PLAT: variants seen among roughly 807,000 people sequenced by gnomAD.
PLAT encodes tissue-type plasminogen activator.
Under a neutral mutation model 74.9 loss-of-function variants are expected in PLAT, and 48 were observed. That is an observed-to-expected ratio of 0.64 (90% CI 0.51 to 0.82). The LOEUF (loss-of-function observed/expected upper bound fraction) is 0.82. PLAT is among the 40% of genes least tolerant of loss of function. The pLI, the probability that PLAT is intolerant of heterozygous loss-of-function variation, is 0.00. For missense variants in PLAT, 673 were observed against 736.2 expected (o/e 0.91, Z 0.99); for synonymous variants, 307 against 294.4 (o/e 1.04, Z -0.44).
chr8:42,181,988 C>G lies in PLAT; in HGVS notation c.838G>C (p.Val280Leu). Residue 280 changes from valine (V) to leucine (L), a missense_variant, in exon 9 of 14, where the codon GTG (valine) becomes CTG (leucine). Coordinates refer to ENST00000220809, the MANE Select transcript of PLAT (RefSeq NM_000930.5). ...PDGDAKPWCHVLKNRRLTWEY... is the reference protein window; with the variant it reads ...PDGDAKPWCHLLKNRRLTWEY... ...CACGTCAGCCTGCGGTTCTTCAGCA[C>G]GTGGCACCAGGGCTTGGCATCCCCA... 1.2e-6 allele frequency: 2 copies of G among 1,612,416 alleles called. No homozygotes were observed. The highest frequency in any genetic ancestry group is 1.7e-6 in the Non-Finnish European group (2 of 1,178,410).
intron 1 of PLAT, among the ~76,000 whole-genome samples, chr8:42,197,503 T>C (rs1271180168): frequency 6.6e-6 from 1 of 152,216 alleles, no homozygotes; most frequent in African/African-American, 2.4e-5. Context: ...GAGCCAAGGA[T>C]GCATGCCGTT....
chr8:42,191,262 C>T (rs760743531), intron 3 of PLAT, 110 bp downstream of exon 3: 25 of 850,790 alleles, frequency 2.9e-5, no homozygotes, highest in South Asian at 1.2e-4. Context: ...ACTGTCACAC[C>T]GTAGGCAGGT....
intron 1 of PLAT, among the ~76,000 whole-genome samples, chr8:42,194,241 A>T (rs7845919): frequency 0.014 from 751 of 52,542 alleles, 8 homozygotes; most frequent in South Asian, 0.033. Flanking sequence ...AGAGAGAGAG[A>T]GTGTGTGTGT....
At chr8:42,200,521 CA>C (rs8178700) in intron 1 of PLAT, among the ~76,000 whole-genome samples, 82,259 of 150,820 alleles carry the variant, frequency 0.55, 23,645 homozygotes, top group Admixed American at 0.65. Flanking sequence ...CAAAAAAATA[CA>C]AAAAATTATT....
Position 42,181,939 on chromosome 8 carries a change from C to G in PLAT, c.887G>C (p.Cys296Ser), listed in dbSNP as rs140854602. The G allele has an allele frequency of 9.4e-6, 15 of 1,597,164 alleles. No homozygotes were observed. The African/African-American group carries it at 1.2e-4, about 13-fold the overall frequency. The change falls in exon 9 of 14, where the codon TGC (cysteine) becomes TCC (serine). Residue 296 changes from cysteine (C) to serine (S), a missense_variant and splice_region_variant. By Grantham distance (112) the Cys-to-Ser change is moderately radical. Transcript: ENST00000220809. ...GGCAGCCGGGGCCCAGCCCTTACAG[C>G]AGGAGGGCACATCACAGTACTCCCA... ...LTWEYCDVPS[C>S]STCGLRQYSQ...
chr8:42,187,278 C>T, intron 6 of PLAT, 120 bp downstream of exon 6: 1 of 725,332 alleles, frequency 1.4e-6, no homozygotes. Context: ...ATCATCTATC[C>T]ATCTATCCAT....
chr8:42,200,955 G>C (rs752484190), intron 1 of PLAT, among the ~76,000 whole-genome samples: 2 of 151,954 alleles, frequency 1.3e-5, no homozygotes, highest in Non-Finnish European at 1.5e-5. Flanking sequence ...TCAGCCTCCC[G>C]AGTAGCTCGG....
At chr8:42,179,113 G>A (rs757853131) in intron 12 of PLAT, 50 bp from the exon 13 acceptor site, 3 of 1,474,874 alleles carry the variant, frequency 2.0e-6, no homozygotes, top group African/African-American at 1.4e-5. Flanking sequence ...ATTTATAAAC[G>A]TTTTTGAAAG....
intron 1 of PLAT, among the ~76,000 whole-genome samples, chr8:42,202,265 G>A (rs1806158233): frequency 6.6e-6 from 1 of 151,596 alleles, no homozygotes; most frequent in Admixed American, 6.6e-5. Flanking sequence ...AAACTCCTTG[G>A]CTCAAGCAAC....
intron 2 of PLAT, among the ~76,000 whole-genome samples, chr8:42,192,764 C>A (rs1449818905): frequency 6.6e-6 from 1 of 152,144 alleles, no homozygotes; most frequent in Non-Finnish European, 1.5e-5. Context: ...GGAACAAATA[C>A]CCCATAGATA....
intron 9 of PLAT, 162 bp from the exon 10 acceptor site, chr8:42,180,847 TAA>T: frequency 1.7e-6 from 1 of 585,804 alleles, no homozygotes; most frequent in South Asian, 2.4e-5. Context: ...CCCACAGCGA[TAA>T]GTTTCAGGAG....
chr8:42,192,002 CTT>C (rs1177070988), intron 2 of PLAT, among the ~76,000 whole-genome samples: 28 of 127,138 alleles, frequency 2.2e-4, no homozygotes, highest in Admixed American at 4.1e-4. Flanking sequence ...TTGCCTTTTT[CTT>C]TTTTTTTTTT....
At position 42,185,098 on chromosome 8, in the gene PLAT, G is replaced by T. The variant is rs556443869; in HGVS notation, c.614C>A (p.Thr205Asn). ...CCACTTACCCTCAGAGCAGGCAGGG[G>T]TGCTGCAGAACTCTGAGCTGTACTT... The part of the protein sequence containing the change: ...AGKYSSEFCS[T>N]PACSEGNSDC... The change falls in exon 7 of 14, where the codon ACC becomes AAC. Residue 205 changes from threonine to asparagine, a missense_variant. Thr to Asn is a moderately conservative substitution (Grantham distance 65). Coordinates refer to ENST00000220809, the MANE Select transcript of PLAT (RefSeq NM_000930.5). 3.3e-4 allele frequency: 526 copies of T among 1,609,250 alleles called. 5 individuals are homozygous for T. In the South Asian group the frequency reaches 5.5e-3, roughly 17 times the overall value.
intron 3 of PLAT, 87 bp downstream of exon 3, chr8:42,191,264 TAGGCAGGTGGTGGGTGGAAGA>T: frequency 7.0e-6 from 6 of 859,272 alleles, no homozygotes; most frequent in African/African-American, 4.9e-5. Context: ...TGTCACACCG[TAGGCAGGTGGTGGGTGGAAGA>T]AGGCAGGTGG....
In PLAT at chr8:42,180,299, C is replaced by A; in HGVS notation, c.1165G>T (p.Val389Phe). Residue 389 changes from valine to phenylalanine, a missense_variant, in exon 11 of 14, where the codon GTC (valine) becomes TTC (phenylalanine). By Grantham distance (50) the Val-to-Phe change is conservative (BLOSUM62 -1). Transcript: ENST00000220809. ...TCCTTATGGACAATGTATTTTTCGA[C>A]TTCAAATTTCTGCTCCTCCTCGCCA... ...VPGEEEQKFE[V>F]EKYIVHKEFD... 1 of 1,614,248 alleles carries A rather than the reference C, an allele frequency of 6.2e-7. No individual in the cohort carries two copies. Among genetic ancestry groups the A allele is most frequent in the Non-Finnish European group, 8.5e-7 (1 of 1,180,032 alleles).
intron 2 of PLAT, among the ~76,000 whole-genome samples, chr8:42,191,795 C>T (rs1004045221): frequency 6.6e-6 from 1 of 152,030 alleles, no homozygotes; most frequent in African/African-American, 2.4e-5. Context: ...AATGGAGTTG[C>T]AGCTGGCTGT....
At chr8:42,192,111 C>A (rs1805711485) in intron 2 of PLAT, among the ~76,000 whole-genome samples, 1 of 151,540 alleles carries the variant, frequency 6.6e-6, no homozygotes, top group African/African-American at 2.4e-5. Flanking sequence ...TTAAGCGATC[C>A]TCCCGCCTCA....
chr8:42,207,112 G>A lies in PLAT; in HGVS notation c.-27+382C>T, dbSNP rs148114051. Among the ~76,000 whole-genome samples the A allele has an allele frequency of 1.1e-4, 16 of 152,326 alleles. No homozygotes were observed. The East Asian group carries it at 3.1e-3, about 29-fold the overall frequency. ...CCAGCGGGCCCTCCCAGCTGTCACA[G>A]GCACGTGTCCCAAGGCAGCCGATTT... On this transcript the variant is annotated intron_variant, in intron 1 of 13. Transcript: ENST00000220809.
intron 1 of PLAT, among the ~76,000 whole-genome samples, chr8:42,203,219 C>T (rs538914282): frequency 6.6e-6 from 1 of 152,346 alleles, no homozygotes; most frequent in Non-Finnish European, 1.5e-5. Context: ...GAAGTGATCA[C>T]TTCAGAGGCT....
Sources: gnomAD v4.1 joint callset for allele counts (sites outside exome capture counted in the v4.1 genomes callset) on GRCh38, gnomAD v4.1.1 for gene constraint, MANE v1.5 for transcripts, NCBI Gene and HGNC (gene_info 2026-07-23, HGNC 2026-07-21) for gene names.